KIF4A: variants seen among roughly 807,000 people sequenced by gnomAD.
KIF4A encodes the protein kinesin family member 4A.
In KIF4A, 7 loss-of-function variants were observed where a neutral mutation model predicts 105.9. The ratio of observed to expected loss-of-function variants is 0.07; its 90% confidence interval spans 0.04 to 0.12. KIF4A has a LOEUF of 0.12. Among genes scored for constraint, KIF4A ranks in the 10% least tolerant of loss-of-function variants. KIF4A has a pLI of 1.00. For missense variants in KIF4A, 558 were observed against 929.2 expected (o/e 0.60, Z 5.19); for synonymous variants, 281 against 331.3 (o/e 0.85, Z 1.65).
chrX:70,414,063 A>C (rs930619546), intron 28 of KIF4A, among the ~76,000 whole-genome samples: 2 of 111,431 alleles, frequency 1.8e-5, no homozygotes, highest in Admixed American at 1.9e-4. Context: ...GGTACAGTTT[A>C]GATTATATTT....
intron 9 of KIF4A, among the ~76,000 whole-genome samples, chrX:70,332,027 G>T (rs1250364883): frequency 8.9e-6 from 1 of 111,934 alleles, no homozygotes; most frequent in Non-Finnish European, 1.9e-5. Context: ...CACTGACCTG[G>T]GTTACACTGG....
At chrX:70,409,738 A>G (rs2086314198) in intron 28 of KIF4A, among the ~76,000 whole-genome samples, 1 of 106,729 alleles carries the variant, frequency 9.4e-6, no homozygotes, top group African/African-American at 3.4e-5. Flanking sequence ...TGGAGATGGC[A>G]GTAAGCTGAG....
Position 70,375,240 on chromosome X carries a change from G to A in KIF4A, c.1815G>A (p.Leu605=), listed in dbSNP as rs749889045. The stretch of plus-strand genomic sequence containing the variant: ...GCCGCCGCAAACGTCTCCAGGAGCT[G>A]GAGGGTCAAATTGCTGATCTGAAGA... The part of the protein sequence containing the change: ...SERRRKRLQE[L]EGQIADLKKK... The change falls in exon 17 of 31, where the codon CTG becomes CTA. Residue 605 remains leucine, a synonymous_variant. Coordinates refer to ENST00000374403, the MANE Select transcript of KIF4A (RefSeq NM_012310.5). 8.3e-7 allele frequency: 1 copy of A among 1,211,260 alleles called. No individual in the cohort carries two copies. Among genetic ancestry groups the A allele is most frequent in the South Asian group, 1.8e-5 (1 of 56,939 alleles).
intron 7 of KIF4A, among the ~76,000 whole-genome samples, chrX:70,326,289 G>A (rs182837282): frequency 2.7e-5 from 3 of 111,857 alleles, no homozygotes; most frequent in Admixed American, 9.5e-5. Flanking sequence ...ATTGTAGGAT[G>A]TTTTACAACA....
At chrX:70,415,431 G>A (rs745396869) in intron 28 of KIF4A, 13 of 201,204 alleles carry the variant, frequency 6.5e-5, no homozygotes, top group African/African-American at 3.2e-4. Context: ...GCAACATGGC[G>A]AGACCCTGTC....
At chrX:70,383,111 C>T (rs907607878) in intron 18 of KIF4A, among the ~76,000 whole-genome samples, 3 of 105,954 alleles carry the variant, frequency 2.8e-5, no homozygotes, top group Admixed American at 1.0e-4. Context: ...CGCTTGAATC[C>T]GGGAGGTGGA....
At chrX:70,359,780 C>T (rs2086067109) in intron 15 of KIF4A, among the ~76,000 whole-genome samples, 1 of 111,407 alleles carries the variant, frequency 9.0e-6, no homozygotes, top group African/African-American at 3.3e-5. Flanking sequence ...CTACAACTGC[C>T]CACCCTGGGT....
intron 15 of KIF4A, among the ~76,000 whole-genome samples, chrX:70,367,674 G>A (rs1403929594): frequency 9.0e-6 from 1 of 111,589 alleles, no homozygotes; most frequent in Non-Finnish European, 1.9e-5. Flanking sequence ...CTCTCTGGCT[G>A]CCCTTAACAT....
chrX:70,311,751 A>G (rs989811688), intron 7 of KIF4A, among the ~76,000 whole-genome samples: 2 of 110,683 alleles, frequency 1.8e-5, no homozygotes, highest in Admixed American at 1.9e-4. Context: ...GCTTGAGACC[A>G]GGAATTTGAC....
intron 7 of KIF4A, among the ~76,000 whole-genome samples, chrX:70,324,620 TTC>T (rs1164570693): frequency 8.9e-6 from 1 of 111,747 alleles, no homozygotes; most frequent in Non-Finnish European, 1.9e-5. Context: ...TCTAAATGGT[TTC>T]TTTCTTTTTT....
At chrX:70,395,394 A>G (rs987150723) in intron 20 of KIF4A, among the ~76,000 whole-genome samples, 2 of 112,409 alleles carry the variant, frequency 1.8e-5, no homozygotes, top group Non-Finnish European at 3.8e-5. Flanking sequence ...AGGGCAAAGG[A>G]AAAAAATGAA....
At chrX:70,340,139 G>A (rs2085966819) in intron 10 of KIF4A, among the ~76,000 whole-genome samples, 1 of 111,359 alleles carries the variant, frequency 9.0e-6, no homozygotes, top group African/African-American at 3.3e-5. Flanking sequence ...TAGCTGTGTG[G>A]CTATAGGTTA....
At chrX:70,347,779 T>C (rs1203082201) in intron 13 of KIF4A, among the ~76,000 whole-genome samples, 1 of 100,671 alleles carries the variant, frequency 9.9e-6, no homozygotes, top group Admixed American at 1.1e-4. Context: ...ATCGAGACCA[T>C]CCTGGCTAAC....
At chrX:70,417,865 C>T in intron 28 of KIF4A, 23 bp from the exon 29 acceptor site, 1 of 1,158,917 alleles carries the variant, frequency 8.6e-7, no homozygotes, top group Non-Finnish European at 1.2e-6. Context: ...AGTAATGTGT[C>T]TTTCTGCAAA....
At chrX:70,334,317 G>A (rs1363568552) in intron 10 of KIF4A, among the ~76,000 whole-genome samples, 2 of 111,943 alleles carry the variant, frequency 1.8e-5, no homozygotes, top group Non-Finnish European at 3.8e-5. Context: ...GTGTAGTAAC[G>A]TACACATACA....
chrX:70,375,719 T>A (rs1357610940), intron 17 of KIF4A, among the ~76,000 whole-genome samples: 1 of 111,838 alleles, frequency 8.9e-6, no homozygotes, highest in Non-Finnish European at 1.9e-5. Context: ...ATGTTCAACT[T>A]GTGGCACCAA....
intron 10 of KIF4A, among the ~76,000 whole-genome samples, chrX:70,340,225 G>A (rs1482851911): frequency 9.0e-6 from 1 of 111,693 alleles, no homozygotes; most frequent in African/African-American, 3.2e-5. Context: ...AGGGGCTATT[G>A]GGAGAACTTA....
intron 15 of KIF4A, among the ~76,000 whole-genome samples, chrX:70,368,356 G>GT (rs752130301): frequency 8.9e-6 from 1 of 111,952 alleles, no homozygotes; most frequent in Non-Finnish European, 1.9e-5. Flanking sequence ...TTTCTGCTCT[G>GT]TTTTTTCCCC....
In KIF4A at chrX:70,420,337, T is replaced by A; in HGVS notation, c.*72T>A. The A allele has an allele frequency of 1.8e-6, 2 of 1,091,457 alleles. No homozygotes were observed. Among genetic ancestry groups the A allele is most frequent in the Non-Finnish European group, 2.4e-6 (2 of 826,134 alleles). 89.9% of individuals were successfully genotyped at this position (1,091,457 alleles called of 1,213,427 possible). ...TCAGGTTGCAGCCAGAAGGGGTTTT[T>A]TAAATGACTTCTCTGGATTTCAGGT... is the stretch of plus-strand genomic sequence containing the variant. On this transcript the variant is annotated 3_prime_UTR_variant, in exon 31 of 31. Transcript: ENST00000374403.
Sources: gnomAD v4.1 joint callset for allele counts (sites outside exome capture counted in the v4.1 genomes callset) on GRCh38, gnomAD v4.1.1 for gene constraint, MANE v1.5 for transcripts, NCBI Gene and HGNC (gene_info 2026-07-23, HGNC 2026-07-21) for gene names.